CLIP2: variants seen among roughly 807,000 people sequenced by gnomAD.
The protein encoded by CLIP2 is CAP-Gly domain-containing linker protein 2.
Under a neutral mutation model 111.7 loss-of-function variants are expected in CLIP2, and 41 were observed. The ratio of observed to expected loss-of-function variants is 0.37; its 90% CI spans 0.29 to 0.48. The LOEUF is 0.48. Among genes scored for constraint, CLIP2 ranks in the 20% least tolerant of loss-of-function variants. The pLI, the probability that CLIP2 is intolerant of heterozygous loss-of-function variation, is 0.99. For missense variants in CLIP2, 1,160 were observed against 1,422.1 expected (o/e 0.82, Z 2.96); for synonymous variants, 660 against 644.2 (o/e 1.02, Z -0.37).
rs191543155 is a variant in CLIP2 at position 74,389,688 on chromosome 7, C to T, written c.2720+429C>T. On this transcript the variant is annotated intron_variant, in intron 13 of 16. Coordinates refer to ENST00000223398, the MANE Select transcript of CLIP2 (RefSeq NM_003388.5). ...CCGAGGCAGCCGGATCACCTGAGGT[C>T]AGGGGTTCAAGACTATCCTGGCCAA... Among the ~76,000 whole-genome samples, 405 of 151,570 alleles carry T rather than the reference C, an allele frequency of 2.7e-3. 2 individuals carry two copies. Among genetic ancestry groups the T allele is most frequent in the Admixed American group, 5.7e-3 (86 of 15,152 alleles).
chr7:74,395,174 T>G lies in CLIP2; in HGVS notation c.2721-1900T>G, dbSNP rs541764481. Among the ~76,000 whole-genome samples the G allele has an allele frequency of 4.9e-4, 75 of 151,992 alleles. 1 individual carries two copies. Among genetic ancestry groups the G allele is most frequent in the African/African-American group, 1.8e-3 (73 of 41,392 alleles). On this transcript the variant is annotated intron_variant, in intron 13 of 16. Coordinates refer to ENST00000223398, the MANE Select transcript of CLIP2 (RefSeq NM_003388.5). ...TTCTTTTTCTTCTTCTTTTTTTTTT[T>G]TCTGAGACGGAGTTTTGCTCTGTGA... is the stretch of plus-strand genomic sequence containing the variant.
intron 2 of CLIP2, among the ~76,000 whole-genome samples, chr7:74,332,685 G>A (rs1296738567): frequency 6.6e-6 from 1 of 152,104 alleles, no homozygotes; most frequent in Non-Finnish European, 1.5e-5. Flanking sequence ...GGGGCAAGAG[G>A]TCGTGGGAAA....
intron 1 of CLIP2, among the ~76,000 whole-genome samples, 188 bp from the exon 2 acceptor site, chr7:74,317,292 G>A (rs782298945): frequency 1.3e-5 from 2 of 152,232 alleles, no homozygotes; most frequent in Non-Finnish European, 2.9e-5. Context: ...GAGGGGGTGC[G>A]TGCTGGGATG....
At chr7:74,397,023 CT>C (rs782183737) in intron 13 of CLIP2, 50 bp from the exon 14 acceptor site, 17 of 1,589,632 alleles carry the variant, frequency 1.1e-5, no homozygotes, top group Non-Finnish European at 1.5e-5. Context: ...AGTGTGGGAG[CT>C]GGAGGAGCCA....
At chr7:74,332,842 G>A (rs1231319032) in intron 2 of CLIP2, among the ~76,000 whole-genome samples, 4 of 152,276 alleles carry the variant, frequency 2.6e-5, no homozygotes, top group Admixed American at 6.5e-5. Flanking sequence ...GCCGGGCCCC[G>A]TTTGGCCATG....
intron 12 of CLIP2, among the ~76,000 whole-genome samples, chr7:74,387,623 T>C (rs1791151749): frequency 6.6e-6 from 1 of 152,174 alleles, no homozygotes; most frequent in Admixed American, 6.6e-5. Flanking sequence ...TCGGAAATGG[T>C]TGCCAACCTG....
At chr7:74,357,763 CTT>C (rs879962901) in intron 6 of CLIP2, among the ~76,000 whole-genome samples, 12 of 143,870 alleles carry the variant, frequency 8.3e-5, no homozygotes, top group African/African-American at 7.6e-5. Flanking sequence ...TTCTTTCTTT[CTT>C]TTTTTTTTTT....
At position 74,372,978 on chromosome 7, in the gene CLIP2, G is replaced by A. The variant is rs1296005329; in HGVS notation, c.1427G>A (p.Ser476Asn). 1.4e-5 allele frequency: 22 copies of A among 1,580,562 alleles called. No homozygotes were observed. The highest frequency in any genetic ancestry group is 1.2e-4 in the Admixed American group (7 of 57,080). The change falls in exon 9 of 17, where the codon AGC (serine) becomes AAC (asparagine). Residue 476 changes from serine to asparagine, a missense_variant. By Grantham distance (46) the Ser-to-Asn change is conservative. Transcript: ENST00000223398. ...GCGCGCATTGGGGAGCTGGAACAGA[G>A]CCTGCTACTGGAGAAGGCGCAGGCC... is the stretch of plus-strand genomic sequence containing the variant. The part of the protein sequence containing the change: ...EHARIGELEQ[S>N]LLLEKAQAER...
chr7:74,317,519 C>T lies in CLIP2; in HGVS notation c.-28C>T. The T allele has an allele frequency of 2.1e-6, 3 of 1,396,060 alleles. No individual in the cohort carries two copies. Among genetic ancestry groups the T allele is most frequent in the Non-Finnish European group, 2.8e-6 (3 of 1,065,116 alleles). The allele number at this position is 1,396,060 out of a possible 1,614,324, so 86.5% of individuals were successfully genotyped here. A position where few individuals can be genotyped will look rare whatever the true frequency, so the allele number is the denominator to read the frequency against. ...CAGAGAGGACGTGACCAGCACTCAC[C>T]CTTGTCCACCTGCCCAGTGGCACCG... On this transcript the variant is annotated 5_prime_UTR_variant, in exon 2 of 17. Transcript: ENST00000223398.
Position 74,376,414 on chromosome 7 carries a change from T to C in CLIP2, c.2013T>C (p.His671=). The C allele has an allele frequency of 6.2e-7, 1 of 1,613,954 alleles. No homozygotes were observed. Among genetic ancestry groups the C allele is most frequent in the East Asian group, 2.2e-5 (1 of 44,846 alleles). The stretch of plus-strand genomic sequence containing the variant: ...AGCTGGGTAACTTGCAGGCCAAGCA[T>C]GACCTGGAGACCGCCATGCACGTGA... ...QLELGNLQAK[H]DLETAMHVKE... The change falls in exon 10 of 17, where the codon CAT becomes CAC. Residue 671 remains histidine (H), a synonymous_variant. Coordinates refer to ENST00000223398, the MANE Select transcript of CLIP2 (RefSeq NM_003388.5). The surrounding 1 kb of genome is among the most constrained non-coding windows in gnomAD (Gnocchi z 7.1).
chr7:74,332,939 GCCAGTCCCCACCTCC>G (rs1554731557), intron 2 of CLIP2, among the ~76,000 whole-genome samples: 1 of 152,184 alleles, frequency 6.6e-6, no homozygotes, highest in African/African-American at 2.4e-5. Context: ...AGCAGGAAAA[GCCAGTCCCCACCTCC>G]ACAGGCAGGG....
In CLIP2 at chr7:74,338,545, TGACTTCCTGGGG is replaced by T; in HGVS notation, c.225_236del (p.Leu76_Phe79del). 1 of 1,597,772 alleles carries T rather than the reference TGACTTCCTGGGG, an allele frequency of 6.3e-7. No homozygotes were observed. The highest frequency in any genetic ancestry group is 8.5e-7 in the Non-Finnish European group (1 of 1,173,384). On this transcript the variant is annotated inframe_deletion, in exon 3 of 17. Transcript: ENST00000223398. The surrounding 1 kb of genome is among the most constrained non-coding windows in gnomAD (Gnocchi z 4.3). ...GCCCCAAGGCGGCGGAAGTGGGGGA[TGACTTCCTGGGG>T]GACTTTGTGGTGGGCGAGCGGGTGT...
intron 2 of CLIP2, among the ~76,000 whole-genome samples, chr7:74,318,478 C>T (rs187901673): frequency 6.6e-6 from 1 of 152,090 alleles, no homozygotes; most frequent in Admixed American, 6.6e-5. Context: ...TTTGGGAGGC[C>T]GAGGTGGAAG....
chr7:74,300,089 C>T (rs1011474043), intron 1 of CLIP2, among the ~76,000 whole-genome samples: 3 of 152,038 alleles, frequency 2.0e-5, no homozygotes, highest in Admixed American at 6.6e-5. Context: ...TGGGTTCAAG[C>T]GATCCTCCTG....
chr7:74,322,069 G>T (rs1243444463), intron 2 of CLIP2, among the ~76,000 whole-genome samples: 4 of 139,554 alleles, frequency 2.9e-5, no homozygotes, highest in Non-Finnish European at 6.1e-5. Flanking sequence ...TCAGCTGATT[G>T]CAACCTCTGC....
intron 14 of CLIP2, among the ~76,000 whole-genome samples, chr7:74,398,624 G>A (rs1299657563): frequency 6.6e-6 from 1 of 152,186 alleles, no homozygotes; most frequent in East Asian, 1.9e-4. Context: ...GGGCCTCAGC[G>A]CCACCGACCC....
chr7:74,291,071 G>A (rs1306093060), intron 1 of CLIP2, among the ~76,000 whole-genome samples: 10 of 152,212 alleles, frequency 6.6e-5, no homozygotes, highest in African/African-American at 1.7e-4. Context: ...AGGCTATTGG[G>A]TTAGAGAAAC....
intron 11 of CLIP2, among the ~76,000 whole-genome samples, chr7:74,383,646 A>C (rs1791005403): frequency 6.6e-6 from 1 of 152,210 alleles, no homozygotes; most frequent in Non-Finnish European, 1.5e-5. Flanking sequence ...GCAGTCAACA[A>C]TGTAGTACAC....
At chr7:74,340,908 G>C (rs572727860) in intron 3 of CLIP2, among the ~76,000 whole-genome samples, 5 of 152,100 alleles carry the variant, frequency 3.3e-5, no homozygotes, top group African/African-American at 1.2e-4. Context: ...GAGCTCCAAA[G>C]CCGAGTGGAG....
Sources: gnomAD v4.1 joint callset for allele counts (sites outside exome capture counted in the v4.1 genomes callset) on GRCh38, gnomAD v4.1.1 for gene constraint, Gnocchi (gnomAD v3.1) non-coding constraint, MANE v1.5 for transcripts, NCBI Gene and HGNC (gene_info 2026-07-23, HGNC 2026-07-21) for gene names.